The following SAFB variants were observed in gnomAD, a reference collection of about 807,000 sequenced individuals.
The protein encoded by SAFB is scaffold attachment factor B1.
In SAFB, 15 loss-of-function variants were observed where a neutral mutation model predicts 101.6. The observed-to-expected ratio is 0.15, with a 90% CI of 0.10 to 0.23. SAFB has a LOEUF of 0.23. Among genes scored for constraint, SAFB ranks in the 10% least tolerant of loss-of-function variants. The probability of loss-of-function intolerance (pLI) is 1.00; values close to 1 mark genes in which losing one functional copy is unlikely to be tolerated. For synonymous variants in SAFB, 449 were observed against 407.5 expected (o/e 1.10, Z -1.23); for missense variants, 930 against 1,104.1 (o/e 0.84, Z 2.23).
At position 5,667,045 on chromosome 19, in the gene SAFB, G is replaced by T; in HGVS notation, c.2335-1G>T. On this transcript the variant is annotated splice_acceptor_variant, in intron 17 of 20. Transcript: ENST00000588852. LOFTEE classifies it high-confidence loss of function. The surrounding 1 kb of genome is among the most constrained non-coding windows in gnomAD (Gnocchi z 4.0). ...TTCCCTTCTGGCTCTGTGATGTCCA[G>T]CATTACCCAGAACGCCATGGAGGAC... 6.3e-7 allele frequency: 1 copy of T among 1,587,662 alleles called. No individual in the cohort carries two copies. The highest frequency in any genetic ancestry group is 8.6e-7 in the Non-Finnish European group (1 of 1,156,460).
intron 14 of SAFB, among the ~76,000 whole-genome samples, chr19:5,660,848 C>G (rs968602169): frequency 2.6e-5 from 4 of 151,836 alleles, no homozygotes; most frequent in Admixed American, 1.3e-4. Flanking sequence ...GCCTGCTAGC[C>G]CCACCTCACA....
At chr19:5,626,363 A>G (rs1247443598) in intron 1 of SAFB, 42 bp from the exon 2 acceptor site, 8 of 1,152,470 alleles carry the variant, frequency 6.9e-6, no homozygotes, top group Non-Finnish European at 7.9e-6. Flanking sequence ...GCAGTGTGTG[A>G]GCTGACTTTT....
chr19:5,646,431 A>G (rs754597102), intron 5 of SAFB, among the ~76,000 whole-genome samples: 2 of 152,218 alleles, frequency 1.3e-5, no homozygotes, highest in Non-Finnish European at 2.9e-5. Context: ...GAGGAGCCGG[A>G]TCTTGTCACT....
chr19:5,649,766 T>A (rs977441364), intron 7 of SAFB, 160 bp from the exon 8 acceptor site: 71 of 815,482 alleles, frequency 8.7e-5, no homozygotes, highest in Non-Finnish European at 4.3e-5. Flanking sequence ...GGGTCTGAAA[T>A]CTTATGGTTA....
intron 2 of SAFB, among the ~76,000 whole-genome samples, chr19:5,636,410 C>A (rs531780165): frequency 6.6e-6 from 1 of 152,138 alleles, no homozygotes; most frequent in South Asian, 2.1e-4. Context: ...TGAGTTCCAG[C>A]TGTTTTTTAG....
In SAFB at chr19:5,667,150, G is replaced by GCCT; in HGVS notation, c.2445_2447dup (p.Pro817dup). The GCCT allele has an allele frequency of 6.3e-7, 1 of 1,594,498 alleles. No individual in the cohort carries two copies. The highest frequency in any genetic ancestry group is 1.1e-5 in the South Asian group (1 of 90,478). Reference sequence around the variant, plus strand: ...AGAGGATGAGCGAGGGCCGGGGGCTGCCTCCTCCCCCCAGGTTTGTGTCCC... The same window carrying GCCT: ...AGAGGATGAGCGAGGGCCGGGGGCTGCCTCCTCCTCCCCCCAGGTTTGTGTCCC... On this transcript the variant is annotated inframe_insertion, in exon 18 of 21. Transcript: ENST00000588852. The surrounding 1 kb of genome is among the most constrained non-coding windows in gnomAD (Gnocchi z 4.0).
At position 5,653,561 on chromosome 19, in the gene SAFB, G is replaced by A. The variant is rs1599364705; in HGVS notation, c.1526+141G>A. On this transcript the variant is annotated intron_variant, in intron 11 of 20. Coordinates refer to ENST00000588852, the MANE Select transcript of SAFB (RefSeq NM_001201338.2). ...GGCTCACCTCAACTCCACCTCCTGG[G>A]TTCAAGCAATTCTCCTGCCTCAGCC... The A allele has an allele frequency of 1.0e-5, 7 of 697,166 alleles. No homozygotes were observed. The East Asian group carries it at 1.7e-4, about 16-fold the overall frequency. The allele number at this position is 697,166 out of a possible 1,614,324, so 43.2% of individuals were successfully genotyped here. A position where few individuals can be genotyped will look rare whatever the true frequency, so the allele number is the denominator to read the frequency against.
chr19:5,638,365 C>T (rs2053636126), intron 2 of SAFB, among the ~76,000 whole-genome samples: 1 of 152,128 alleles, frequency 6.6e-6, no homozygotes, highest in Non-Finnish European at 1.5e-5. Flanking sequence ...GTCACCCACA[C>T]CAGAGTGCAG....
chr19:5,667,092 C>T lies in SAFB; in HGVS notation c.2381C>T (p.Ser794Phe). 1 of 1,612,832 alleles carries T rather than the reference C, an allele frequency of 6.2e-7. No individual in the cohort carries two copies. The highest frequency in any genetic ancestry group is 1.1e-5 in the South Asian group (1 of 91,068). ...HGGPERHGRDSRDGWGGYGSD... is the reference protein window; with the variant it reads ...HGGPERHGRDFRDGWGGYGSD... Reference sequence around the variant, plus strand: ...GGACCAGAGCGCCACGGCCGGGACTCCCGCGATGGCTGGGGGGGCTATGGC... The same window carrying T: ...GGACCAGAGCGCCACGGCCGGGACTTCCGCGATGGCTGGGGGGGCTATGGC... Residue 794 changes from serine to phenylalanine, a missense_variant, in exon 18 of 21, where the codon TCC becomes TTC. Ser to Phe is a radical substitution (Grantham distance 155). Around this residue, in one of 7 missense-constraint regions of SAFB, gnomAD observed 318 missense variants for 342.6 expected, o/e 0.93. Coordinates refer to ENST00000588852, the MANE Select transcript of SAFB (RefSeq NM_001201338.2). The surrounding 1 kb of genome is among the most constrained non-coding windows in gnomAD (Gnocchi z 4.0).
At position 5,667,256 on chromosome 19, in the gene SAFB, C is replaced by G; in HGVS notation, c.2454-91C>G. 1.6e-6 allele frequency: 2 copies of G among 1,255,452 alleles called. No homozygotes were observed. The highest frequency in any genetic ancestry group is 2.2e-6 in the Non-Finnish European group (2 of 913,492). The allele number at this position is 1,255,452 out of a possible 1,614,324, so 77.8% of individuals were successfully genotyped here. ...GGATGTGGGCACAGGGTGGGAAACA[C>G]AGAGGGATTCACTCTCCAGAAGCCG... On this transcript the variant is annotated intron_variant, in intron 18 of 20. Coordinates refer to ENST00000588852, the MANE Select transcript of SAFB (RefSeq NM_001201338.2). The surrounding 1 kb of genome is among the most constrained non-coding windows in gnomAD (Gnocchi z 4.0).
In SAFB at chr19:5,668,424, C is replaced by T. The variant is rs2054387911; in HGVS notation, c.*133C>T. 12 of 1,000,218 alleles carry T rather than the reference C, an allele frequency of 1.2e-5. No homozygotes were observed. In the South Asian group the frequency reaches 1.4e-4, roughly 12 times the overall value. 62.0% of individuals were successfully genotyped at this position (1,000,218 alleles called of 1,614,324 possible). The stretch of plus-strand genomic sequence containing the variant: ...CTCAATACAATGTGAATTTGTTTTT[C>T]GTTTTGGGGTTTTTTTTTTTTGTAA... On this transcript the variant is annotated 3_prime_UTR_variant, in exon 21 of 21. Transcript: ENST00000588852.
chr19:5,651,782 C>T (rs1000723757), intron 9 of SAFB, among the ~76,000 whole-genome samples: 2 of 152,186 alleles, frequency 1.3e-5, no homozygotes, highest in East Asian at 1.9e-4. Flanking sequence ...CTCTCAGAGT[C>T]GGTTTCGGGG....
chr19:5,642,061 A>G (rs1247716689), intron 4 of SAFB, 115 bp downstream of exon 4: 1 of 832,984 alleles, frequency 1.2e-6, no homozygotes, highest in Admixed American at 2.0e-5. Flanking sequence ...AGTTCAGTAG[A>G]ATAAGGGTCA....
intron 2 of SAFB, among the ~76,000 whole-genome samples, chr19:5,638,877 G>A (rs988815368): frequency 2.6e-5 from 4 of 151,658 alleles, no homozygotes; most frequent in African/African-American, 9.7e-5. Context: ...CTGCCACCAC[G>A]CCTGGCTAAT....
At chr19:5,654,818 C>T (rs1164510211) in intron 13 of SAFB, among the ~76,000 whole-genome samples, 1 of 152,256 alleles carries the variant, frequency 6.6e-6, no homozygotes, top group East Asian at 1.9e-4. Context: ...CCGCCCGCCT[C>T]GGCCTCCCAA....
chr19:5,623,135 T>C lies in SAFB; in HGVS notation c.-71T>C. Reference sequence around the variant, plus strand: ...AGCGGTTCCCTCGCAGGCGGCGCCATTTTGTGCTAGGAGCCTGATAAAACC... The same window carrying C: ...AGCGGTTCCCTCGCAGGCGGCGCCACTTTGTGCTAGGAGCCTGATAAAACC... On this transcript the variant is annotated 5_prime_UTR_variant, in exon 1 of 21. Transcript: ENST00000588852. 1 of 1,449,570 alleles carries C rather than the reference T, an allele frequency of 6.9e-7. No individual in the cohort carries two copies. The allele number at this position is 1,449,570 out of a possible 1,614,324, so 89.8% of individuals were successfully genotyped here. A position where few individuals can be genotyped will look rare whatever the true frequency, so the allele number is the denominator to read the frequency against.
At chr19:5,658,566 G>A (rs572496457) in intron 14 of SAFB, among the ~76,000 whole-genome samples, 6 of 152,234 alleles carry the variant, frequency 3.9e-5, no homozygotes, top group South Asian at 2.1e-4. Context: ...TAGGCCAGGC[G>A]CGGTGGCTCA....
At chr19:5,636,740 G>A (rs993520102) in intron 2 of SAFB, among the ~76,000 whole-genome samples, 1 of 151,804 alleles carries the variant, frequency 6.6e-6, no homozygotes, top group African/African-American at 2.4e-5. Flanking sequence ...GACAGGGTCT[G>A]ACTCTGTCAC....
At chr19:5,640,528 T>C (rs750833459) in intron 2 of SAFB, among the ~76,000 whole-genome samples, 12 of 151,908 alleles carry the variant, frequency 7.9e-5, no homozygotes, top group Non-Finnish European at 1.5e-4. Context: ...ATTGGCACTT[T>C]TTAATTCGCT....
Sources: allele counts gnomAD v4.1 joint callset (sites outside exome capture counted in the v4.1 genomes callset), GRCh38; gene constraint gnomAD v4.1.1; regional missense constraint gnomAD v4.1.1; non-coding constraint Gnocchi (gnomAD v3.1); transcripts MANE v1.5; gene names NCBI Gene and HGNC (gene_info 2026-07-23, HGNC 2026-07-21).